Variants in TPRX1 observed in about 807,000 individuals in gnomAD.
TPRX1 encodes tetra-peptide repeat homeobox protein 1.
A neutral mutation model predicts 8.1 loss-of-function variants in TPRX1; 2 were observed. That is an observed-to-expected ratio of 0.25 (90% confidence interval 0.10 to 0.78). The LOEUF (loss-of-function observed/expected upper bound fraction) is 0.78, where lower values mean the gene tolerates loss of function less well. Among genes scored for constraint, TPRX1 ranks in the 30% least tolerant of loss-of-function variants. The pLI, the probability that TPRX1 is intolerant of heterozygous loss-of-function variation, is 0.70. For missense variants in TPRX1, 517 were observed against 586.9 expected (o/e 0.88, Z 1.23); for synonymous variants, 257 against 254.1 (o/e 1.01, Z -0.11).
intron 3 of TPRX1, 44 bp from the exon 3 acceptor site, chr19:47,803,024 C>T (rs777361725): frequency 4.4e-5 from 67 of 1,506,708 alleles, no homozygotes; most frequent in Middle Eastern, 2.4e-4. Context: ...AGGAGGGGCT[C>T]GCGCGGCCCA....
chr19:47,803,095 C>T (rs1364362128), intron 3 of TPRX1, 115 bp from the exon 3 acceptor site: 3 of 1,263,612 alleles, frequency 2.4e-6, no homozygotes, highest in Admixed American at 2.9e-5. Flanking sequence ...AGCCCCCCAT[C>T]CCCCACCCCA....
intron 2 of TPRX1, among the ~76,000 whole-genome samples, chr19:47,811,525 G>A (rs748770410): frequency 7.8e-4 from 110 of 140,160 alleles, no homozygotes; most frequent in Middle Eastern, 3.9e-3. Flanking sequence ...TTGAGACAGC[G>A]TCTCACTCTG....
At chr19:47,806,927 C>T (rs1479839039) in intron 2 of TPRX1, among the ~76,000 whole-genome samples, 4 of 151,536 alleles carry the variant, frequency 2.6e-5, no homozygotes, top group Non-Finnish European at 4.4e-5. Flanking sequence ...TTTGAGATGG[C>T]GTCTTGCCCT....
intron 2 of TPRX1, among the ~76,000 whole-genome samples, chr19:47,811,813 A>C (rs1967786629): frequency 6.7e-6 from 1 of 148,508 alleles, no homozygotes; most frequent in African/African-American, 2.5e-5. Flanking sequence ...AACTTCACAG[A>C]ACATAACAAG....
rs200783256 is a variant in TPRX1, at chr19:47,815,127, T to TGCAAATATATATATATGCAA, written c.151+3340_151+3341insTTGCATATATATATATTTGC. ...TAAATAGATAAATTATATATATATA[T>TGCAAATATATATATATGCAA]ATATATATATATATATGCAAATATA... On this transcript the variant is annotated intron_variant, in intron 2 of 3. Coordinates refer to ENST00000535759, the Ensembl canonical transcript of TPRX1. Among the ~76,000 whole-genome samples the TGCAAATATATATATATGCAA allele has an allele frequency of 6.7e-5, 7 of 105,040 alleles. 1 individual carries two copies. The highest frequency in any genetic ancestry group is 6.4e-4 in the South Asian group (2 of 3,124). 68.9% of individuals were successfully genotyped at this position (105,040 alleles called of 152,430 possible). A position where few individuals can be genotyped will look rare whatever the true frequency, so the allele number is the denominator to read the frequency against.
intron 2 of TPRX1, among the ~76,000 whole-genome samples, chr19:47,807,062 G>A (rs953323064): frequency 2.0e-5 from 3 of 151,794 alleles, no homozygotes; most frequent in African/African-American, 4.8e-5. Context: ...GCACCACCAC[G>A]CCCAGCTAAC....
intron 2 of TPRX1, among the ~76,000 whole-genome samples, chr19:47,818,131 G>T (rs1967861265): frequency 6.6e-6 from 1 of 152,088 alleles, no homozygotes; most frequent in African/African-American, 2.4e-5. Context: ...TGGTCCTTTT[G>T]GGAAAACATC....
chr19:47,813,108 A>AAAAT (rs373835462), intron 2 of TPRX1, among the ~76,000 whole-genome samples: 10,251 of 133,710 alleles, frequency 0.077, 501 homozygotes, highest in African/African-American at 0.1. Context: ...CTGTGTCTCA[A>AAAAT]AAATAAATAA....
chr19:47,804,671 G>T (rs1005232629), intron 2 of TPRX1, among the ~76,000 whole-genome samples, 120 bp from the exon 1 acceptor site: 1 of 126,116 alleles, frequency 7.9e-6, no homozygotes, highest in South Asian at 2.9e-4. Flanking sequence ...CTGCAGTCCC[G>T]CCCCCTGGAG....
intron 2 of TPRX1, among the ~76,000 whole-genome samples, chr19:47,812,483 C>T (rs964749461): frequency 1.3e-5 from 2 of 151,452 alleles, no homozygotes; most frequent in Non-Finnish European, 2.9e-5. Context: ...CCTGTAATCC[C>T]AGCACTTTGG....
chr19:47,811,054 A>G (rs1322659209), intron 2 of TPRX1, among the ~76,000 whole-genome samples: 1 of 148,974 alleles, frequency 6.7e-6, no homozygotes, highest in Non-Finnish European at 1.5e-5. Context: ...CCCAGGCTGG[A>G]CCGCAGTGGA....
intron 2 of TPRX1, among the ~76,000 whole-genome samples, chr19:47,818,184 A>ACCAT (rs902009512): frequency 2.4e-4 from 36 of 150,346 alleles, no homozygotes; most frequent in Non-Finnish European, 2.4e-4. Context: ...GTTCTGCCCC[A>ACCAT]CCATCCATCC....
At chr19:47,809,433 C>G (rs958213973) in intron 2 of TPRX1, among the ~76,000 whole-genome samples, 1 of 151,932 alleles carries the variant, frequency 6.6e-6, no homozygotes, top group African/African-American at 2.4e-5. Flanking sequence ...GGCGCATGTG[C>G]CACCACATCT....
Position 47,801,793 on chromosome 19 carries a change from C to T in TPRX1, c.1509G>A (p.Arg503=), listed in dbSNP as rs150702728. Residue 503 remains arginine (R), a synonymous_variant, in exon 4 of 4, where the codon AGG becomes AGA. Coordinates refer to ENST00000535759, the Ensembl canonical transcript of TPRX1. The stretch of plus-strand genomic sequence containing the variant: ...AGGCCCCCTATAAATCCAGTAATAA[C>T]CTGGGGCCTGAGTGATTTTCATTCA... 3 of 1,613,396 alleles carry T rather than the reference C, an allele frequency of 1.9e-6. No homozygotes were observed. In the South Asian group the frequency reaches 3.3e-5, roughly 18 times the overall value.
intron 2 of TPRX1, among the ~76,000 whole-genome samples, chr19:47,817,217 C>T (rs1201319361): frequency 6.6e-6 from 1 of 151,684 alleles, no homozygotes; most frequent in Non-Finnish European, 1.5e-5. Flanking sequence ...GAGGTGCCCA[C>T]AGGTCCCAGC....
chr19:47,816,911 A>T (rs1053619333), intron 2 of TPRX1, among the ~76,000 whole-genome samples: 1 of 152,176 alleles, frequency 6.6e-6, no homozygotes, highest in Non-Finnish European at 1.5e-5. Flanking sequence ...ATTATTTGCT[A>T]TTCTCACTTT....
chr19:47,811,399 T>G (rs1178254442), intron 2 of TPRX1, among the ~76,000 whole-genome samples: 3 of 151,926 alleles, frequency 2.0e-5, no homozygotes, highest in Non-Finnish European at 4.4e-5. Flanking sequence ...ATTGATCGAT[T>G]GATGACAATA....
In TPRX1 at chr19:47,803,023, T is replaced by A. The variant is rs756693934; in HGVS notation, c.322-43A>T. The A allele has an allele frequency of 8.6e-6, 13 of 1,509,932 alleles. 1 individual carries two copies. In the South Asian group the frequency reaches 1.5e-4, roughly 18 times the overall value. 93.5% of individuals were successfully genotyped at this position (1,509,932 alleles called of 1,614,324 possible). A position where few individuals can be genotyped will look rare whatever the true frequency, so the allele number is the denominator to read the frequency against. The stretch of plus-strand genomic sequence containing the variant: ...CAGGGAGAAGGTGTGAAGGAGGGGC[T>A]CGCGCGGCCCAGTGAGCCTTTTGGG... On this transcript the variant is annotated intron_variant, in intron 3 of 3. Coordinates refer to ENST00000535759, the Ensembl canonical transcript of TPRX1.
exon 4 of TPRX1, chr19:47,801,427 C>T (rs190016879): frequency 7.9e-5 from 17 of 213,952 alleles, no homozygotes; most frequent in East Asian, 3.3e-4. Context: ...GTCATTGGAT[C>T]GACAAACATT....
Sources: gnomAD v4.1 joint callset for allele counts (sites outside exome capture counted in the v4.1 genomes callset) on GRCh38, gnomAD v4.1.1 for gene constraint, MANE v1.5 for transcripts, NCBI Gene and HGNC (gene_info 2026-07-23, HGNC 2026-07-21) for gene names.